Variants in RASGRF2 observed in about 807,000 individuals in gnomAD.
The protein encoded by RASGRF2 is ras-specific guanine nucleotide-releasing factor 2.
In RASGRF2, 76 loss-of-function variants were observed where a neutral mutation model predicts 151.0. That is an observed-to-expected ratio of 0.50 (90% confidence interval 0.42 to 0.61). RASGRF2 has a LOEUF of 0.61. RASGRF2 is among the 20% of genes least tolerant of loss of function. The probability of loss-of-function intolerance (pLI) is 0.00; values close to 1 mark genes in which losing one functional copy is unlikely to be tolerated. For missense variants in RASGRF2, 1,148 were observed against 1,564.6 expected (o/e 0.73, Z 4.49); for synonymous variants, 504 against 566.5 (o/e 0.89, Z 1.57).
intron 2 of RASGRF2, among the ~76,000 whole-genome samples, chr5:81,056,566 A>C (rs1751220115): frequency 6.6e-6 from 1 of 152,140 alleles, no homozygotes; most frequent in Admixed American, 6.5e-5. Context: ...TCAGTTTTGG[A>C]ATAAGTGCGG....
intron 9 of RASGRF2, chr5:81,088,402 C>T (rs458300): frequency 0.26 from 39,846 of 152,102 alleles, 6,037 homozygotes; most frequent in Admixed American, 0.36. Context: ...ACTCCTGGTG[C>T]GTGTATTTCA....
chr5:81,190,588 T>C (rs1406489380), intron 18 of RASGRF2, among the ~76,000 whole-genome samples: 4 of 152,246 alleles, frequency 2.6e-5, no homozygotes, highest in African/African-American at 9.6e-5. Context: ...TGGATTTTCT[T>C]TTCTTTTTTT....
intron 2 of RASGRF2, among the ~76,000 whole-genome samples, chr5:81,045,780 AAG>A (rs1750817129): frequency 6.6e-6 from 1 of 152,120 alleles, no homozygotes; most frequent in Non-Finnish European, 1.5e-5. Context: ...TAAATCAGGG[AAG>A]AAAACTTTTT....
intron 18 of RASGRF2, among the ~76,000 whole-genome samples, chr5:81,193,788 G>A (rs1025358621): frequency 1.3e-5 from 2 of 152,200 alleles, no homozygotes; most frequent in African/African-American, 4.8e-5. Flanking sequence ...GTAGTGCTGG[G>A]ATTACTGGCA....
intron 1 of RASGRF2, among the ~76,000 whole-genome samples, chr5:81,001,404 A>C (rs969520718): frequency 6.6e-6 from 1 of 152,044 alleles, no homozygotes; most frequent in African/African-American, 2.4e-5. Flanking sequence ...CTTCAGGTGC[A>C]CTATTTGGTA....
intron 17 of RASGRF2, among the ~76,000 whole-genome samples, chr5:81,127,754 T>C (rs1449091018): frequency 6.7e-6 from 1 of 150,126 alleles, no homozygotes; most frequent in Non-Finnish European, 1.5e-5. Flanking sequence ...TGAAACCCTG[T>C]CTCTACTAAG....
At chr5:81,036,261 A>G (rs1014911665) in intron 1 of RASGRF2, among the ~76,000 whole-genome samples, 3 of 152,054 alleles carry the variant, frequency 2.0e-5, no homozygotes, top group African/African-American at 7.2e-5. Flanking sequence ...GTGAATCGTT[A>G]TAGTCATTGC....
Position 81,113,746 on chromosome 5 carries a change from C to T in RASGRF2, c.2296C>T (p.Pro766Ser), listed in dbSNP as rs1561212925. The T allele has an allele frequency of 1.9e-6, 3 of 1,614,044 alleles. No individual in the cohort carries two copies. Among genetic ancestry groups the T allele is most frequent in the Non-Finnish European group, 2.5e-6 (3 of 1,179,956 alleles). The part of the protein sequence containing the change: ...GALDLTTSSS[P>S]TTTTQSPAAS... ...ATTGGACCTGACAACTTCCAGCAGT[C>T]CCACCACCACCACCCAGAGTCCCGC... is the stretch of plus-strand genomic sequence containing the variant. Residue 766 changes from proline to serine, a missense_variant, in exon 15 of 27, where the codon CCC becomes TCC. Physicochemically the swap from Pro to Ser is moderately conservative, Grantham distance 74 (BLOSUM62 -1). This residue lies in a region of RASGRF2 where 646 missense variants were observed against 807.4 expected (regional missense o/e 0.80). Coordinates refer to ENST00000265080, the MANE Select transcript of RASGRF2 (RefSeq NM_006909.3).
At chr5:81,028,682 A>G (rs1750124807) in intron 1 of RASGRF2, among the ~76,000 whole-genome samples, 1 of 152,220 alleles carries the variant, frequency 6.6e-6, no homozygotes, top group East Asian at 1.9e-4. Flanking sequence ...ATAACTTGGG[A>G]GGTTCCAAGA....
At chr5:81,044,566 C>A (rs1750778893) in intron 2 of RASGRF2, among the ~76,000 whole-genome samples, 1 of 152,212 alleles carries the variant, frequency 6.6e-6, no homozygotes, top group South Asian at 2.1e-4. Context: ...ATATTTACCA[C>A]CTTCTCTGAC....
At position 81,113,929 on chromosome 5, in the gene RASGRF2, T is replaced by C. The variant is rs1224474224; in HGVS notation, c.2470+9T>C. On this transcript the variant is annotated intron_variant, in intron 15 of 26. Transcript: ENST00000265080. ...ACGAAGTATTCAAAAAGGTATTATC[T>C]AGCACATTTGCATAATTACACCCCA... 3 of 1,605,748 alleles carry C rather than the reference T, an allele frequency of 1.9e-6. No individual in the cohort carries two copies. The highest frequency in any genetic ancestry group is 2.6e-6 in the Non-Finnish European group (3 of 1,174,554).
At chr5:81,090,666 T>C (rs1752364267) in intron 9 of RASGRF2, among the ~76,000 whole-genome samples, 1 of 152,178 alleles carries the variant, frequency 6.6e-6, no homozygotes, top group Admixed American at 6.5e-5. Flanking sequence ...TAAACAATTA[T>C]AGATTAAGCA....
At chr5:81,009,416 C>G (rs1580199116) in intron 1 of RASGRF2, among the ~76,000 whole-genome samples, 1 of 152,148 alleles carries the variant, frequency 6.6e-6, no homozygotes. Flanking sequence ...GCCACTCAGT[C>G]GCTAAAATTG....
chr5:81,160,437 T>C (rs111451504), intron 17 of RASGRF2, among the ~76,000 whole-genome samples: 11,888 of 147,304 alleles, frequency 0.081, 1,480 homozygotes, highest in African/African-American at 0.27. Context: ...TAATAATAGC[T>C]GAGGCAGACA....
intron 2 of RASGRF2, among the ~76,000 whole-genome samples, chr5:81,046,439 T>C (rs1166374819): frequency 6.6e-6 from 1 of 152,164 alleles, no homozygotes; most frequent in Admixed American, 6.5e-5. Context: ...CTTTGACCAG[T>C]CCAAGAAGCT....
intron 1 of RASGRF2, among the ~76,000 whole-genome samples, chr5:80,996,502 T>TTCTTCTTCTTCTTCTTCTTCC (rs1561544704): frequency 5.1e-5 from 3 of 59,072 alleles, no homozygotes; most frequent in East Asian, 2.9e-4. Context: ...CTTCTTCTTC[T>TTCTTCTTCTTCTTCTTCTTCC]TCCTCCTCCT....
chr5:81,216,950 A>G (rs757132305), intron 24 of RASGRF2: 11 of 455,908 alleles, frequency 2.4e-5, no homozygotes, highest in South Asian at 1.7e-4. Flanking sequence ...AACTGCATGG[A>G]TTTTTCCATC....
chr5:81,121,328 C>T (rs1753301983), intron 15 of RASGRF2, among the ~76,000 whole-genome samples: 1 of 152,164 alleles, frequency 6.6e-6, no homozygotes, highest in Non-Finnish European at 1.5e-5. Context: ...AGAATACAAC[C>T]CCACACCACC....
At position 81,108,064 on chromosome 5, in the gene RASGRF2, G is replaced by A. The variant is rs528741133; in HGVS notation, c.1756-932G>A. Among the ~76,000 whole-genome samples, 38 of 152,324 alleles carry A rather than the reference G, an allele frequency of 2.5e-4. 1 individual carries two copies. The South Asian group carries it at 7.7e-3, about 31-fold the overall frequency. ...TTTTATTAGAACATTGGTGTTTAGG[G>A]TAGACCCTGAGTTCAGGACCTATGT... On this transcript the variant is annotated intron_variant, in intron 12 of 26. Coordinates refer to ENST00000265080, the MANE Select transcript of RASGRF2 (RefSeq NM_006909.3).
Sources: allele counts gnomAD v4.1 joint callset (sites outside exome capture counted in the v4.1 genomes callset), GRCh38; gene constraint gnomAD v4.1.1; regional missense constraint gnomAD v4.1.1; transcripts MANE v1.5; gene names NCBI Gene and HGNC (gene_info 2026-07-23, HGNC 2026-07-21).